Variants in CPE observed in about 807,000 individuals in gnomAD.
The protein encoded by CPE is carbocypeptidase E.
A neutral mutation model predicts 53.5 loss-of-function variants in CPE; 17 were observed. The observed-to-expected ratio is 0.32, with a 90% CI of 0.22 to 0.48. The LOEUF (loss-of-function observed/expected upper bound fraction) is 0.48, where lower values mean the gene tolerates loss of function less well. Among genes scored for constraint, CPE ranks in the 20% least tolerant of loss-of-function variants. The pLI is 0.99. For missense variants in CPE, 524 were observed against 614.7 expected, an observed-to-expected ratio of 0.85 and a Z score of 1.56; for synonymous variants, 226 against 228.8, an observed-to-expected ratio of 0.99 and a Z score of 0.11.
chr4:165,428,561 G>C (rs1030721162), intron 1 of CPE, among the ~76,000 whole-genome samples: 4 of 152,158 alleles, frequency 2.6e-5, no homozygotes, highest in African/African-American at 7.2e-5. Context: ...CACAAATTTG[G>C]TTGTTTAAAA....
intron 1 of CPE, among the ~76,000 whole-genome samples, chr4:165,437,307 C>T (rs10517848): frequency 0.36 from 54,690 of 151,984 alleles, 10,057 homozygotes; most frequent in Middle Eastern, 0.47. Context: ...TAATTCTGGT[C>T]CAGCAAAAGC....
At chr4:165,465,903 T>G (rs1029777085) in intron 2 of CPE, among the ~76,000 whole-genome samples, 1 of 152,218 alleles carries the variant, frequency 6.6e-6, no homozygotes, top group African/African-American at 2.4e-5. Context: ...AATCTAATTA[T>G]AGAATGATAT....
chr4:165,463,455 A>G (rs1299693791), intron 1 of CPE, among the ~76,000 whole-genome samples: 1 of 152,200 alleles, frequency 6.6e-6, no homozygotes, highest in Non-Finnish European at 1.5e-5. Context: ...TTTTAGATGG[A>G]AAAACAGAGC....
intron 1 of CPE, among the ~76,000 whole-genome samples, chr4:165,382,518 G>A (rs894908626): frequency 6.6e-6 from 1 of 152,086 alleles, no homozygotes; most frequent in Non-Finnish European, 1.5e-5. Flanking sequence ...CAGCAAGAGA[G>A]GTGTCAGATT....
At chr4:165,477,888 C>T (rs1732331478) in intron 3 of CPE, among the ~76,000 whole-genome samples, 1 of 152,166 alleles carries the variant, frequency 6.6e-6, no homozygotes, top group Admixed American at 6.5e-5. Flanking sequence ...CCATGCTCTC[C>T]TTGTTCTTCT....
chr4:165,474,038 G>A (rs1162680243), intron 3 of CPE, among the ~76,000 whole-genome samples: 1 of 152,200 alleles, frequency 6.6e-6, no homozygotes, highest in Non-Finnish European at 1.5e-5. Flanking sequence ...TGTCCCATTG[G>A]GGCAGTTTGC....
At chr4:165,436,088 A>G (rs1457600042) in intron 1 of CPE, among the ~76,000 whole-genome samples, 2 of 151,878 alleles carry the variant, frequency 1.3e-5, no homozygotes, top group Non-Finnish European at 2.9e-5. Context: ...TCTGTTCTTG[A>G]CCTTCCTCTC....
In CPE at chr4:165,447,936, T is replaced by C. The variant is rs1170371100; in HGVS notation, c.308-16454T>C. 3.3e-5 allele frequency among the ~76,000 whole-genome samples: 5 copies of C among 152,326 alleles called. No individual in the cohort carries two copies. The East Asian group carries it at 9.6e-4, about 29-fold the overall frequency. ...AATCTTCAGATCCATTATAATCTTA[T>C]GGGATTGCAGTCATATGTGGGGTTA... On this transcript the variant is annotated intron_variant, in intron 1 of 8. Coordinates refer to ENST00000402744, the MANE Select transcript of CPE (RefSeq NM_001873.4).
intron 1 of CPE, among the ~76,000 whole-genome samples, chr4:165,459,614 A>G (rs1403504558): frequency 6.8e-6 from 1 of 147,108 alleles, no homozygotes. Context: ...TGTAAAAAAG[A>G]AAATGAAGGC....
intron 1 of CPE, chr4:165,386,172 A>C: frequency 2.0e-6 from 1 of 493,556 alleles, no homozygotes; most frequent in Non-Finnish European, 4.0e-6. Flanking sequence ...TGGTAAATAT[A>C]AAGTTCTTAA....
intron 1 of CPE, among the ~76,000 whole-genome samples, chr4:165,449,364 T>G (rs1731770842): frequency 6.6e-6 from 1 of 152,240 alleles, no homozygotes; most frequent in African/African-American, 2.4e-5. Context: ...TGTTGAATTA[T>G]AATTTGCTTT....
At chr4:165,459,149 T>C (rs1215673981) in intron 1 of CPE, among the ~76,000 whole-genome samples, 1 of 152,272 alleles carries the variant, frequency 6.6e-6, no homozygotes. Context: ...GCTTTTTTAC[T>C]GATTTAGTTA....
chr4:165,481,953 A>G (rs1560895117), intron 3 of CPE, among the ~76,000 whole-genome samples: 2 of 152,226 alleles, frequency 1.3e-5, no homozygotes, highest in Non-Finnish European at 2.9e-5. Flanking sequence ...TGTGAGTTGC[A>G]TGCTGGTTTT....
chr4:165,468,610 C>T (rs1579275659), intron 3 of CPE, among the ~76,000 whole-genome samples: 1 of 152,194 alleles, frequency 6.6e-6, no homozygotes, highest in East Asian at 1.9e-4. Flanking sequence ...CCAGTTACCA[C>T]CTCTCAGCGA....
intron 3 of CPE, among the ~76,000 whole-genome samples, chr4:165,481,892 A>C (rs1487667547): frequency 6.6e-6 from 1 of 152,230 alleles, no homozygotes; most frequent in Non-Finnish European, 1.5e-5. Context: ...TTAACTATTC[A>C]TAATAACAAT....
At chr4:165,478,834 C>A (rs935548414) in intron 3 of CPE, among the ~76,000 whole-genome samples, 1 of 152,062 alleles carries the variant, frequency 6.6e-6, no homozygotes, top group East Asian at 1.9e-4. Context: ...ATTTTCCTTA[C>A]CCCCGACAGA....
intron 1 of CPE, among the ~76,000 whole-genome samples, chr4:165,392,683 T>C (rs972604870): frequency 8.1e-5 from 12 of 147,600 alleles, no homozygotes; most frequent in Non-Finnish European, 1.6e-4. Context: ...TTATATATCA[T>C]ATCATAATGG....
intron 6 of CPE, among the ~76,000 whole-genome samples, chr4:165,492,667 C>G (rs931017337): frequency 1.3e-5 from 2 of 152,078 alleles, no homozygotes; most frequent in African/African-American, 4.8e-5. Flanking sequence ...CTGCATGCAC[C>G]AGTAATTAGA....
At chr4:165,491,061 A>T (rs1191704549) in intron 6 of CPE, among the ~76,000 whole-genome samples, 1 of 152,218 alleles carries the variant, frequency 6.6e-6, no homozygotes, top group East Asian at 1.9e-4. Context: ...GAGATTTATT[A>T]CTACACTGGA....
Sources: gnomAD v4.1 joint callset for allele counts (sites outside exome capture counted in the v4.1 genomes callset) on GRCh38, gnomAD v4.1.1 for gene constraint, MANE v1.5 for transcripts, NCBI Gene and HGNC (gene_info 2026-07-23, HGNC 2026-07-21) for gene names.